The following WEE2 variants were observed in gnomAD, a reference collection of about 807,000 sequenced individuals.
WEE2 encodes the protein wee1-like protein kinase 2.
In WEE2, 50 loss-of-function variants were observed where a neutral mutation model predicts 60.1. The observed-to-expected ratio is 0.83, with a 90% CI of 0.66 to 1.05. The LOEUF is 1.05. Ranked by LOEUF, WEE2 falls within the 50% of genes least tolerant of loss-of-function variation. The pLI, the probability that WEE2 is intolerant of heterozygous loss-of-function variation, is 0.00. For missense variants in WEE2, 631 were observed against 684.3 expected, an observed-to-expected ratio of 0.92 and a Z score of 0.87; for synonymous variants, 240 against 241.0, an observed-to-expected ratio of 1.00 and a Z score of 0.04.
At chr7:141,720,826 T>C (rs1229031107) in intron 4 of WEE2, 109 bp from the exon 5 acceptor site, 1 of 1,198,818 alleles carries the variant, frequency 8.3e-7, no homozygotes, top group African/African-American at 1.5e-5. Flanking sequence ...CAGTGAGCTC[T>C]CAATAAATAT....
Position 141,708,868 on chromosome 7 carries a change from C to A in WEE2, c.110C>A (p.Ser37Ter). ...AAAGTAGAAGAAAGCAGGGAGGCTT[C>A]GAGCCAAACCCCAGAGAAGGGTGAA... ...QKKVEESREA[S>*]SQTPEKGEVQ... The change falls in exon 1 of 12, where the codon TCG becomes TAG. Residue 37 changes from serine (S) to a stop codon, truncating the protein, a stop_gained. Coordinates refer to ENST00000397541, the MANE Select transcript of WEE2 (RefSeq NM_001105558.1). LOFTEE classifies it high-confidence loss of function. The A allele has an allele frequency of 6.2e-7, 1 of 1,614,132 alleles. No individual in the cohort carries two copies. Among genetic ancestry groups the A allele is most frequent in the Admixed American group, 1.7e-5 (1 of 60,016 alleles).
chr7:141,725,020 T>C lies in WEE2; in HGVS notation c.1222-6T>C. The stretch of plus-strand genomic sequence containing the variant: ...GTAACTGGCCTTCCTGTCTTCTGTT[T>C]TGAAGGATTACCGGCACCTTCCCAA... On this transcript the variant is annotated splice_polypyrimidine_tract_variant and splice_region_variant and intron_variant, in intron 8 of 11. Transcript: ENST00000397541. 7.4e-6 allele frequency: 12 copies of C among 1,612,064 alleles called. No individual in the cohort carries two copies. Among genetic ancestry groups the C allele is most frequent in the Non-Finnish European group, 1.0e-5 (12 of 1,178,796 alleles).
rs758634569 is a variant in WEE2, at chr7:141,727,294, A to AT, written c.1393-9dup. The stretch of plus-strand genomic sequence containing the variant: ...CTTCTGTTTCTTTCCTCTTGGTCCT[A>AT]TATCATCAGAACATGATCCAACCTG... On this transcript the variant is annotated splice_polypyrimidine_tract_variant and intron_variant, in intron 9 of 11. Coordinates refer to ENST00000397541, the MANE Select transcript of WEE2 (RefSeq NM_001105558.1). The AT allele has an allele frequency of 6.2e-7, 1 of 1,612,078 alleles. No individual in the cohort carries two copies. Among genetic ancestry groups the AT allele is most frequent in the Non-Finnish European group, 8.5e-7 (1 of 1,179,356 alleles).
chr7:141,725,826 CA>C (rs1799007537), intron 9 of WEE2, among the ~76,000 whole-genome samples: 1 of 152,182 alleles, frequency 6.6e-6, no homozygotes, highest in African/African-American at 2.4e-5. Flanking sequence ...TGGCTCAGAG[CA>C]GCTCCTTGAC....
chr7:141,713,224 T>G (rs190439517), intron 1 of WEE2, among the ~76,000 whole-genome samples: 19 of 152,330 alleles, frequency 1.2e-4, no homozygotes, highest in African/African-American at 4.1e-4. Context: ...CAATCTGGCT[T>G]CTGCTTCTAC....
intron 1 of WEE2, among the ~76,000 whole-genome samples, chr7:141,712,313 G>T (rs1007474989): frequency 1.3e-5 from 2 of 152,096 alleles, no homozygotes; most frequent in East Asian, 3.8e-4. Flanking sequence ...TTTGTGAGAG[G>T]TTGCCTTCTC....
intron 6 of WEE2, among the ~76,000 whole-genome samples, chr7:141,723,545 G>A (rs756817299): frequency 5.9e-5 from 9 of 152,188 alleles, no homozygotes; most frequent in Non-Finnish European, 1.2e-4. Flanking sequence ...AAAGGCAAGT[G>A]ACAGCATATC....
rs755024999 is a variant in WEE2, at chr7:141,719,085, G to A, written c.599G>A (p.Arg200Gln). ...AAAATACTTTAGAGATGTGTTTTAC[G>A]AGAAACCAACATGGCTTCCCGCTAT... ...GGLPAKRCVL[R>Q]ETNMASRYEK... Residue 200 changes from arginine to glutamine, a missense_variant, in exon 4 of 12, where the codon CGA becomes CAA. Arg to Gln is a conservative substitution (Grantham distance 43, BLOSUM62 1). Coordinates refer to ENST00000397541, the MANE Select transcript of WEE2 (RefSeq NM_001105558.1). 3.7e-5 allele frequency: 59 copies of A among 1,613,468 alleles called. No individual in the cohort carries two copies. Among genetic ancestry groups the A allele is most frequent in the Non-Finnish European group, 4.8e-5 (57 of 1,179,878 alleles).
At chr7:141,724,422 G>C (rs1223213048) in intron 8 of WEE2, 147 bp downstream of exon 8, 1 of 722,880 alleles carries the variant, frequency 1.4e-6, no homozygotes, top group Non-Finnish European at 2.2e-6. Flanking sequence ...AGATAGGAGA[G>C]AAACTCTTCC....
Position 141,708,524 on chromosome 7 carries a change from CT to C in WEE2, c.-234del, listed in dbSNP as rs1798656130. Reference sequence around the variant, plus strand: ...CTGCATTTAATTGCTCCGAGAGTCACTGGAGCTTTCTTTAATCAGAATGGAA... The same window carrying C: ...CTGCATTTAATTGCTCCGAGAGTCACGGAGCTTTCTTTAATCAGAATGGAA... On this transcript the variant is annotated 5_prime_UTR_variant, in exon 1 of 12. It introduces an in-frame stop codon into an upstream open reading frame of the 5' UTR. Transcript: ENST00000397541. The C allele has an allele frequency of 1.8e-6, 1 of 560,298 alleles. No individual in the cohort carries two copies. The highest frequency in any genetic ancestry group is 3.2e-6 in the Non-Finnish European group (1 of 315,206). The allele number at this position is 560,298 out of a possible 1,614,324, so 34.7% of individuals were successfully genotyped here. A position where few individuals can be genotyped will look rare whatever the true frequency, so the allele number is the denominator to read the frequency against.
At chr7:141,729,244 A>G (rs998911999) in intron 10 of WEE2, among the ~76,000 whole-genome samples, 3 of 152,210 alleles carry the variant, frequency 2.0e-5, no homozygotes, top group Admixed American at 2.0e-4. Flanking sequence ...GGTACCTTTC[A>G]TATGTAGCCT....
intron 1 of WEE2, 60 bp downstream of exon 1, chr7:141,709,160 T>G (rs1456178016): frequency 7.0e-7 from 1 of 1,425,956 alleles, no homozygotes; most frequent in African/African-American, 1.4e-5. Context: ...TCCTGTAGTT[T>G]AGCTGATAGA....
intron 2 of WEE2, among the ~76,000 whole-genome samples, chr7:141,715,192 C>T (rs1376440956): frequency 1.3e-5 from 2 of 152,178 alleles, no homozygotes; most frequent in Non-Finnish European, 2.9e-5. Flanking sequence ...CTATCTCCTT[C>T]TTACTTAAAT....
At position 141,723,167 on chromosome 7, in the gene WEE2, C is replaced by CT. The variant is rs747098533; in HGVS notation, c.915dup (p.Lys306Ter). 6.2e-7 allele frequency: 1 copy of CT among 1,614,190 alleles called. No homozygotes were observed. The highest frequency in any genetic ancestry group is 1.3e-5 in the African/African-American group (1 of 75,068). ...TTGCAAGCTGCTATATCTGAAAACA[C>CT]TAAGTCTGGCAATCATTTTGAAGAG... On this transcript the variant is annotated frameshift_variant, in exon 6 of 12. Coordinates refer to ENST00000397541, the MANE Select transcript of WEE2 (RefSeq NM_001105558.1). LOFTEE classifies it high-confidence loss of function.
chr7:141,721,161 T>C, intron 5 of WEE2, 105 bp downstream of exon 5: 1 of 1,401,168 alleles, frequency 7.1e-7, no homozygotes, highest in Non-Finnish European at 9.9e-7. Flanking sequence ...GGATAGCAGA[T>C]ATACCTAAAA....
chr7:141,716,114 G>A (rs1327480131), intron 2 of WEE2, 108 bp from the exon 3 acceptor site: 24 of 950,482 alleles, frequency 2.5e-5, no homozygotes, highest in African/African-American at 5.0e-5. Flanking sequence ...CATATAAACC[G>A]AAGAGAAATG....
Position 141,725,194 on chromosome 7 carries a change from A to C in WEE2, c.1390A>C (p.Lys464Gln). The C allele has an allele frequency of 6.2e-7, 1 of 1,613,554 alleles. No homozygotes were observed. Among genetic ancestry groups the C allele is most frequent in the Non-Finnish European group, 8.5e-7 (1 of 1,179,754 alleles). The change falls in exon 9 of 12, where the codon AAG becomes CAG. Residue 464 changes from lysine to glutamine, a missense_variant and splice_region_variant. Physicochemically the swap from Lys to Gln is moderately conservative, Grantham distance 53. Transcript: ENST00000397541. ...CTCAGAAAGCTTTTCCAGTCTGCTC[A>C]AGGTGATAGCTCTTACGAGATGAAC... ...ELSESFSSLL[K>Q]NMIQPDAEQR...
intron 1 of WEE2, among the ~76,000 whole-genome samples, chr7:141,712,800 A>C (rs1205985576): frequency 6.6e-6 from 1 of 152,190 alleles, no homozygotes; most frequent in Non-Finnish European, 1.5e-5. Flanking sequence ...TATGTAATAG[A>C]TGTGTTTTAC....
intron 6 of WEE2, among the ~76,000 whole-genome samples, chr7:141,723,654 C>G (rs773087661): frequency 3.9e-5 from 6 of 152,074 alleles, no homozygotes; most frequent in Non-Finnish European, 8.8e-5. Context: ...ATGTGAAACC[C>G]AAGGACAAGT....
Sources: gnomAD v4.1 joint callset for allele counts (sites outside exome capture counted in the v4.1 genomes callset) on GRCh38, gnomAD v4.1.1 for gene constraint, MANE v1.5 for transcripts, NCBI Gene and HGNC (gene_info 2026-07-23, HGNC 2026-07-21) for gene names.